EBF3: variants seen among roughly 807,000 people sequenced by gnomAD.
EBF3 encodes transcription factor COE3.
A neutral mutation model predicts 77.1 loss-of-function variants in EBF3; 18 were observed. The ratio of observed to expected loss-of-function variants is 0.23; its 90% CI spans 0.16 to 0.35. EBF3 has a LOEUF of 0.35. EBF3 is among the 10% of genes least tolerant of loss of function. The pLI is 1.00. For missense variants in EBF3, 558 were observed against 860.0 expected (o/e 0.65, Z 4.39); for synonymous variants, 350 against 343.5 (o/e 1.02, Z -0.21).
chr10:129,840,696 T>C, intron 14 of EBF3, 148 bp downstream of exon 14: 1 of 1,228,552 alleles, frequency 8.1e-7, no homozygotes, highest in Non-Finnish European at 1.1e-6. Flanking sequence ...TGGGTCAATT[T>C]ACGGTCGCCA....
At position 129,952,598 on chromosome 10, in the gene EBF3, C is replaced by G. The variant is rs1858751372; in HGVS notation, c.554+4660G>C. The stretch of plus-strand genomic sequence containing the variant: ...AGAGTTGGATTTAATCACGCTCGTG[C>G]AAAGCCATGAGGGAGGAAGCTTTAA... On this transcript the variant is annotated intron_variant, in intron 6 of 16. Transcript: ENST00000440978. This position sits in a 1 kb window ranked among gnomAD's most constrained non-coding sequence, Gnocchi z 4.7. Among the ~76,000 whole-genome samples the G allele has an allele frequency of 6.6e-6, 1 of 152,134 alleles. No individual in the cohort carries two copies. Among genetic ancestry groups the G allele is most frequent in the Non-Finnish European group, 1.5e-5 (1 of 68,020 alleles).
intron 6 of EBF3, among the ~76,000 whole-genome samples, chr10:129,948,364 C>T (rs999574164): frequency 6.0e-5 from 9 of 149,512 alleles, no homozygotes; most frequent in African/African-American, 2.2e-4. Context: ...AAACTAGAGA[C>T]ACAGTAAAAG....
intron 6 of EBF3, among the ~76,000 whole-genome samples, chr10:129,880,332 C>A (rs894810470): frequency 6.6e-6 from 1 of 151,766 alleles, no homozygotes; most frequent in African/African-American, 2.4e-5. Flanking sequence ...CCCACACATA[C>A]ATACACACAC....
At position 129,959,865 on chromosome 10, in the gene EBF3, G is replaced by C. The variant is rs539781093; in HGVS notation, c.412-858C>G. 3.3e-5 allele frequency among the ~76,000 whole-genome samples: 5 copies of C among 152,282 alleles called. No homozygotes were observed. In the East Asian group the frequency reaches 7.7e-4, roughly 24 times the overall value. ...CTCCTCGCCGGATGATATTTGGAAA[G>C]AAAGTGCTAATGGCCAATCTGGTGT... is the stretch of plus-strand genomic sequence containing the variant. On this transcript the variant is annotated intron_variant, in intron 4 of 16. Transcript: ENST00000440978.
chr10:129,922,497 T>C (rs949741881), intron 6 of EBF3, among the ~76,000 whole-genome samples: 1 of 152,206 alleles, frequency 6.6e-6, no homozygotes, highest in African/African-American at 2.4e-5. Flanking sequence ...CTATACCCCA[T>C]AGCCCCTGGA....
chr10:129,882,956 T>C (rs1358196149), intron 6 of EBF3, among the ~76,000 whole-genome samples: 1 of 152,192 alleles, frequency 6.6e-6, no homozygotes, highest in Non-Finnish European at 1.5e-5. Context: ...AAAGGAGAAA[T>C]AGATTGTCTC....
intron 6 of EBF3, among the ~76,000 whole-genome samples, chr10:129,894,565 G>A (rs542205148): frequency 2.6e-5 from 4 of 152,224 alleles, no homozygotes; most frequent in South Asian, 2.1e-4. Flanking sequence ...TCCTCAGACC[G>A]AGCTGGAAGG....
rs1849620705 is a variant in EBF3 at position 129,836,591 on chromosome 10, C to A, written c.*1352G>T. On this transcript the variant is annotated 3_prime_UTR_variant, in exon 17 of 17. Coordinates refer to ENST00000440978, the MANE Select transcript of EBF3 (RefSeq NM_001375380.1). ...AAATAAACAATGAATTTGACTTTTC[C>A]TCAAAATAAAAAAAAAAAGGATGGA... The A allele has an allele frequency of 2.8e-5, 3 of 106,098 alleles. No individual in the cohort carries two copies. The highest frequency in any genetic ancestry group is 4.4e-5 in the Non-Finnish European group (2 of 45,950). The allele number at this position is 106,098 out of a possible 1,614,324, so 6.6% of individuals were successfully genotyped here.
chr10:129,890,095 G>C (rs773578793), intron 6 of EBF3, among the ~76,000 whole-genome samples: 2 of 152,024 alleles, frequency 1.3e-5, no homozygotes, highest in African/African-American at 4.8e-5. Context: ...TGGAGACACA[G>C]CTGTGGGTCA....
chr10:129,840,185 C>G, intron 15 of EBF3, 60 bp downstream of exon 15: 1 of 1,368,934 alleles, frequency 7.3e-7, no homozygotes, highest in Non-Finnish European at 1.0e-6. Flanking sequence ...CCCACCCCCA[C>G]TCCCATCCCC....
In EBF3 at chr10:129,836,777, A is replaced by G. The variant is rs767178212; in HGVS notation, c.*1166T>C. ...AACCAATACAGACAAGAAAGAAGAAAAAGGAAAAGGTGGGAAAAGCAATGT... is the reference window on the plus strand; with the variant it reads ...AACCAATACAGACAAGAAAGAAGAAGAAGGAAAAGGTGGGAAAAGCAATGT... On this transcript the variant is annotated 3_prime_UTR_variant, in exon 17 of 17. Coordinates refer to ENST00000440978, the MANE Select transcript of EBF3 (RefSeq NM_001375380.1). 1.3e-5 allele frequency: 2 copies of G among 152,582 alleles called. No individual in the cohort carries two copies. The highest frequency in any genetic ancestry group is 2.9e-5 in the Non-Finnish European group (2 of 68,032). The allele number at this position is 152,582 out of a possible 1,614,324, so 9.5% of individuals were successfully genotyped here.
chr10:129,929,271 C>T (rs1280842029), intron 6 of EBF3, among the ~76,000 whole-genome samples: 2 of 152,126 alleles, frequency 1.3e-5, no homozygotes. Context: ...GTGGTGCGAT[C>T]TCAGTTCACT....
At chr10:129,942,506 C>T (rs562125436) in intron 6 of EBF3, among the ~76,000 whole-genome samples, 108 of 152,346 alleles carry the variant, frequency 7.1e-4, no homozygotes, top group East Asian at 5.4e-3. Flanking sequence ...GCGTCCCACA[C>T]GCTGTAGGGA....
At chr10:129,933,088 A>G (rs1419671702) in intron 6 of EBF3, among the ~76,000 whole-genome samples, 1 of 152,038 alleles carries the variant, frequency 6.6e-6, no homozygotes, top group South Asian at 2.1e-4. Flanking sequence ...GGTGATTAAA[A>G]TCTCATTCGC....
intron 6 of EBF3, among the ~76,000 whole-genome samples, chr10:129,888,887 A>C (rs1235650629): frequency 6.6e-6 from 1 of 152,242 alleles, no homozygotes; most frequent in Non-Finnish European, 1.5e-5. Context: ...TACAAAAAAA[A>C]AGGTAGGGAA....
chr10:129,961,200 A>ATG (rs1859491308), intron 4 of EBF3, among the ~76,000 whole-genome samples: 1 of 152,228 alleles, frequency 6.6e-6, no homozygotes, highest in Non-Finnish European at 1.5e-5. Context: ...TTAGCATCAA[A>ATG]ACCGAAGAAG....
intron 6 of EBF3, among the ~76,000 whole-genome samples, chr10:129,906,381 T>C (rs1214703087): frequency 6.6e-6 from 1 of 152,238 alleles, no homozygotes; most frequent in Non-Finnish European, 1.5e-5. Flanking sequence ...TGTTCAGTAC[T>C]ATGTATAGAT....
intron 6 of EBF3, among the ~76,000 whole-genome samples, chr10:129,946,013 C>T (rs1435796140): frequency 6.8e-6 from 1 of 147,894 alleles, no homozygotes; most frequent in East Asian, 2.0e-4. Flanking sequence ...CTATTTCCTT[C>T]CAAAAAAAAA....
At chr10:129,858,323 G>A (rs1473098596) in intron 10 of EBF3, among the ~76,000 whole-genome samples, 1 of 152,156 alleles carries the variant, frequency 6.6e-6, no homozygotes, top group Non-Finnish European at 1.5e-5. Flanking sequence ...TTTAGTTTGG[G>A]ACAGGCCACA....
Sources: allele counts gnomAD v4.1 joint callset (sites outside exome capture counted in the v4.1 genomes callset), GRCh38; gene constraint gnomAD v4.1.1; non-coding constraint Gnocchi (gnomAD v3.1); transcripts MANE v1.5; gene names NCBI Gene and HGNC (gene_info 2026-07-23, HGNC 2026-07-21).